Variants in ACACA observed in about 807,000 individuals in gnomAD.
ACACA encodes the protein acetyl-CoA carboxylase 1.
A neutral mutation model predicts 296.1 loss-of-function variants in ACACA; 103 were observed. That is an observed-to-expected ratio of 0.35 (90% confidence interval 0.30 to 0.41). The LOEUF is 0.41. ACACA is among the 10% of genes least tolerant of loss of function. The pLI, the probability that ACACA is intolerant of heterozygous loss-of-function variation, is 1.00. For synonymous variants in ACACA, 953 were observed against 1,038.6 expected (o/e 0.92, Z 1.58); for missense variants, 1,554 against 2,989.7 (o/e 0.52, Z 11.20).
chr17:37,390,757 C>T (rs1482390115), intron 1 of ACACA, among the ~76,000 whole-genome samples: 2 of 149,662 alleles, frequency 1.3e-5, no homozygotes, highest in African/African-American at 4.9e-5. Flanking sequence ...CGAGCCACTG[C>T]ACTCCAGCCT....
intron 11 of ACACA, among the ~76,000 whole-genome samples, chr17:37,260,277 TATATATA>T (rs1567899126): frequency 4.1e-4 from 13 of 31,846 alleles, no homozygotes; most frequent in Admixed American, 4.3e-4. Context: ...TATATATATA[TATATATA>T]TATATATATA....
At position 37,244,557 on chromosome 17, in the gene ACACA, A is replaced by G. The variant is rs571234156; in HGVS notation, c.2742+31T>C. ...TTTGGAGAATAGGTATCCCATTTGT[A>G]CATCCCTTCCCCAGGAGACGTGATA... On this transcript the variant is annotated intron_variant, in intron 21 of 55. Transcript: ENST00000616317. 1.9e-5 allele frequency: 30 copies of G among 1,612,082 alleles called. No homozygotes were observed. In the South Asian group the frequency reaches 3.2e-4, roughly 17 times the overall value.
At chr17:37,215,418 C>T (rs142323550) in intron 29 of ACACA, among the ~76,000 whole-genome samples, 2,544 of 152,096 alleles carry the variant, frequency 0.017, 23 homozygotes, top group Middle Eastern at 0.041. Context: ...TGTTCACTAG[C>T]GTATATTAAT....
At chr17:37,151,679 T>C (rs1208888236) in intron 43 of ACACA, among the ~76,000 whole-genome samples, 3 of 152,214 alleles carry the variant, frequency 2.0e-5, no homozygotes, top group African/African-American at 4.8e-5. Context: ...TTCTTTTTTT[T>C]TGAGGCGGAG....
At chr17:37,249,518 G>A (rs1371016084) in intron 16 of ACACA, among the ~76,000 whole-genome samples, 1 of 152,128 alleles carries the variant, frequency 6.6e-6, no homozygotes, top group African/African-American at 2.4e-5. Context: ...GCCAATACTT[G>A]CTATTTTCTG....
chr17:37,244,361 G>A (rs1348901344), intron 21 of ACACA, among the ~76,000 whole-genome samples: 1 of 148,858 alleles, frequency 6.7e-6, no homozygotes, highest in Non-Finnish European at 1.5e-5. Flanking sequence ...GCAAGACTCC[G>A]TCTCGAGGAA....
intron 29 of ACACA, among the ~76,000 whole-genome samples, chr17:37,218,917 C>A (rs959147000): frequency 2.6e-5 from 4 of 152,184 alleles, no homozygotes; most frequent in African/African-American, 9.7e-5. Context: ...ATAATAAAGA[C>A]TTTGGCCATT....
In ACACA at chr17:37,243,565, A is replaced by G; in HGVS notation, c.2743-6T>C. The G allele has an allele frequency of 1.9e-6, 3 of 1,613,716 alleles. No homozygotes were observed. The highest frequency in any genetic ancestry group is 2.5e-6 in the Non-Finnish European group (3 of 1,179,822). ...CGCTCTACCCAGTCTTTTACCTAGA[A>G]AGAAAGCATTGGTAAAATAGGACCC... On this transcript the variant is annotated splice_polypyrimidine_tract_variant and splice_region_variant and intron_variant, in intron 21 of 55. Transcript: ENST00000616317.
chr17:37,213,160 CACACACACACAT>C (rs1020589932), intron 29 of ACACA, among the ~76,000 whole-genome samples: 1 of 151,464 alleles, frequency 6.6e-6, no homozygotes. Context: ...TTTACACACA[CACACACACACAT>C]ACACACACAC....
intron 9 of ACACA, among the ~76,000 whole-genome samples, chr17:37,271,285 G>A (rs992880063): frequency 6.6e-6 from 1 of 152,214 alleles, no homozygotes; most frequent in East Asian, 1.9e-4. Flanking sequence ...GGAGGCCAAG[G>A]CGGGCGGATC....
intron 37 of ACACA, among the ~76,000 whole-genome samples, 174 bp downstream of exon 37, chr17:37,191,916 A>C (rs1390824660): frequency 2.0e-5 from 3 of 151,848 alleles, no homozygotes; most frequent in Non-Finnish European, 4.4e-5. Context: ...TTATTATATG[A>C]AATATTTACT....
At chr17:37,194,454 T>G (rs1333489566) in intron 35 of ACACA, among the ~76,000 whole-genome samples, 2 of 152,172 alleles carry the variant, frequency 1.3e-5, no homozygotes, top group Admixed American at 1.3e-4. Context: ...TTGGCTCAAG[T>G]ATATGCTCAG....
chr17:37,337,208 A>C (rs919828515), intron 2 of ACACA, among the ~76,000 whole-genome samples: 11 of 152,082 alleles, frequency 7.2e-5, no homozygotes, highest in Non-Finnish European at 1.3e-4. Context: ...ACTAAAGAAA[A>C]CCTATACCAG....
At chr17:37,242,426 T>C (rs1208734386) in intron 22 of ACACA, among the ~76,000 whole-genome samples, 1 of 152,136 alleles carries the variant, frequency 6.6e-6, no homozygotes, top group Non-Finnish European at 1.5e-5. Flanking sequence ...AGAATGTCTC[T>C]GAAAATAAAA....
rs2083045015 is a variant in ACACA, at chr17:37,291,173, A to ACACACACACACATC, written c.339-6204_339-6203insGATGTGTGTGTGTG. ...ACACACACACACACACACACATCTC[A>ACACACACACACATC]TAATATTTGTTTTTGTTTTGAGATG... is the stretch of plus-strand genomic sequence containing the variant. On this transcript the variant is annotated intron_variant, in intron 3 of 55. Transcript: ENST00000616317. Among the ~76,000 whole-genome samples the ACACACACACACATC allele has an allele frequency of 9.8e-4, 11 of 11,210 alleles. No individual in the cohort carries two copies. The Admixed American group carries it at 0.018, about 19-fold the overall frequency. 7.4% of individuals were successfully genotyped at this position (11,210 alleles called of 152,430 possible).
chr17:37,087,412 G>GT lies in ACACA; in HGVS notation c.7055_7056insA (p.Met2353HisfsTer120). The GT allele has an allele frequency of 6.2e-7, 1 of 1,614,086 alleles. No individual in the cohort carries two copies. The highest frequency in any genetic ancestry group is 8.5e-7 in the Non-Finnish European group (1 of 1,180,012). Reference sequence around the variant, plus strand: ...GCGTCATATGGATGATGGAATCCATGGCAACCTCTGGATTGGCCTGGACCA... The same window carrying GT: ...GCGTCATATGGATGATGGAATCCATGTGCAACCTCTGGATTGGCCTGGACCA... On this transcript the variant is annotated frameshift_variant, in exon 56 of 56. Transcript: ENST00000616317. LOFTEE classifies it high-confidence loss of function.
At chr17:37,211,808 TCA>T (rs902008481) in intron 29 of ACACA, among the ~76,000 whole-genome samples, 1 of 152,206 alleles carries the variant, frequency 6.6e-6, no homozygotes, top group African/African-American at 2.4e-5. Context: ...CAAACCTGTA[TCA>T]CAGAGTGAAT....
chr17:37,393,208 G>A (rs768532299), intron 1 of ACACA, among the ~76,000 whole-genome samples: 7 of 151,432 alleles, frequency 4.6e-5, no homozygotes, highest in Non-Finnish European at 7.4e-5. Context: ...TGAAAATATA[G>A]TAGAGAGGAA....
chr17:37,389,082 T>C (rs1444228460), intron 1 of ACACA, among the ~76,000 whole-genome samples: 1 of 152,248 alleles, frequency 6.6e-6, no homozygotes, highest in Non-Finnish European at 1.5e-5. Flanking sequence ...GCAGTTCCTT[T>C]CCTCTGCTGT....
Sources: gnomAD v4.1 joint callset for allele counts (sites outside exome capture counted in the v4.1 genomes callset) on GRCh38, gnomAD v4.1.1 for gene constraint, MANE v1.5 for transcripts, NCBI Gene and HGNC (gene_info 2026-07-23, HGNC 2026-07-21) for gene names.